The following ADGRV1 variants were observed in gnomAD, a reference collection of about 807,000 sequenced individuals.
ADGRV1 encodes the protein adhesion G protein-coupled receptor V1, also known as G-protein coupled receptor 98.
Under a neutral mutation model 596.2 loss-of-function variants are expected in ADGRV1, and 359 were observed. That is an observed-to-expected ratio of 0.60 (90% CI 0.55 to 0.66). The LOEUF (loss-of-function observed/expected upper bound fraction) is 0.66. ADGRV1 is among the 30% of genes least tolerant of loss of function. The pLI is 0.00. For missense variants in ADGRV1, 7,274 were observed against 7,575.6 expected (o/e 0.96, Z 1.48); for synonymous variants, 2,681 against 2,679.2 (o/e 1.00, Z -0.02).
intron 50 of ADGRV1, among the ~76,000 whole-genome samples, chr5:90,743,693 G>A (rs552553487): frequency 2.0e-5 from 3 of 151,926 alleles, no homozygotes; most frequent in East Asian, 1.9e-4. Context: ...GGATGGTCTC[G>A]ATCTCCCGAC....
At position 90,783,238 on chromosome 5, in the gene ADGRV1, A is replaced by T. The variant is rs755682458; in HGVS notation, c.13346A>T (p.Asp4449Val). Residue 4449 changes from aspartate (D) to valine (V), a missense_variant, in exon 66 of 90, where the codon GAT (aspartate) becomes GTT (valine). Asp to Val is a radical substitution (Grantham distance 152). Coordinates refer to ENST00000405460, the MANE Select transcript of ADGRV1 (RefSeq NM_032119.4). ...TCCTCTGCCAGTCCCGGAGGTGTTG[A>T]TTACATTTTGCATGGCAGTACAGTC... is the stretch of plus-strand genomic sequence containing the variant. ...QSSSASPGGV[D>V]YILHGSTVTF... The T allele has an allele frequency of 6.2e-7, 1 of 1,613,674 alleles. No homozygotes were observed.
intron 85 of ADGRV1, 54 bp downstream of exon 85, chr5:90,985,576 T>C: frequency 7.2e-7 from 1 of 1,393,396 alleles, no homozygotes; most frequent in South Asian, 1.2e-5. Flanking sequence ...TAAGCAGATT[T>C]CGTTGCCATA....
Position 90,674,075 on chromosome 5 carries a change from G to C in ADGRV1, c.4951G>C (p.Asp1651His), listed in dbSNP as rs781509857. The change falls in exon 23 of 90, where the codon GAT becomes CAT. Residue 1651 changes from aspartate to histidine, a missense_variant. Asp to His is a moderately conservative substitution (Grantham distance 81). This residue lies in a region of ADGRV1 where 3,643 missense variants were observed against 3,809.2 expected (regional missense o/e 0.96). Coordinates refer to ENST00000405460, the MANE Select transcript of ADGRV1 (RefSeq NM_032119.4). The part of the protein sequence containing the change: ...RSEVLNIYVL[D>H]DDIPELNEYF... ...TTAGGTTCTGAATATATATGTTCTT[G>C]ATGATGATATTCCTGAACTTAATGA... The C allele has an allele frequency of 6.2e-7, 1 of 1,611,528 alleles. No homozygotes were observed. Among genetic ancestry groups the C allele is most frequent in the Non-Finnish European group, 8.5e-7 (1 of 1,178,084 alleles).
At chr5:91,081,289 T>A (rs1403152141) in intron 86 of ADGRV1, among the ~76,000 whole-genome samples, 1 of 152,076 alleles carries the variant, frequency 6.6e-6, no homozygotes, top group Non-Finnish European at 1.5e-5. Context: ...ACATACAAAT[T>A]TGGGGGATGG....
At chr5:90,620,415 G>A (rs1053083846) in intron 4 of ADGRV1, among the ~76,000 whole-genome samples, 23 of 152,170 alleles carry the variant, frequency 1.5e-4, no homozygotes, top group Admixed American at 1.3e-3. Flanking sequence ...AGAAGTGTCT[G>A]TTCATATCCT....
intron 25 of ADGRV1, among the ~76,000 whole-genome samples, chr5:90,679,137 T>G (rs541566333): frequency 6.6e-6 from 1 of 152,310 alleles, no homozygotes; most frequent in African/African-American, 2.4e-5. Context: ...TTTCTCAATA[T>G]TGAACTGGTT....
In ADGRV1 at chr5:90,652,490, C is replaced by T; in HGVS notation, c.3561C>T (p.Ile1187=). ...NFMDGEEAKP[I]ILHAFPDKIP... Reference sequence around the variant, plus strand: ...TGGATGGAGAAGAAGCAAAACCAATCATTCTCCATGCTTTTCCAGATAAAA... The same window carrying T: ...TGGATGGAGAAGAAGCAAAACCAATTATTCTCCATGCTTTTCCAGATAAAA... The change falls in exon 19 of 90, where the codon ATC becomes ATT. Residue 1187 remains isoleucine (I), a synonymous_variant. Coordinates refer to ENST00000405460, the MANE Select transcript of ADGRV1 (RefSeq NM_032119.4). 6.2e-7 allele frequency: 1 copy of T among 1,613,404 alleles called. No homozygotes were observed.
intron 83 of ADGRV1, among the ~76,000 whole-genome samples, chr5:90,933,454 T>C (rs911015394): frequency 6.6e-6 from 1 of 152,066 alleles, no homozygotes; most frequent in Non-Finnish European, 1.5e-5. Flanking sequence ...AAAGCAAATA[T>C]AGTCCTGAGG....
rs1752145640 is a variant in ADGRV1, at chr5:90,728,826, G to A, written c.10319G>A (p.Ser3440Asn). The A allele has an allele frequency of 6.2e-7, 1 of 1,613,972 alleles. No homozygotes were observed. The highest frequency in any genetic ancestry group is 8.5e-7 in the Non-Finnish European group (1 of 1,179,872). Residue 3440 changes from serine to asparagine, a missense_variant, in exon 49 of 90, where the codon AGT becomes AAT. Physicochemically the swap from Ser to Asn is conservative, Grantham distance 46 (BLOSUM62 1). Transcript: ENST00000405460. Reference sequence around the variant, plus strand: ...TCCCTTTTATTCAGATGGTCTGGCAGTGGGTTTATTAACTTTCAAGAGGTG... The same window carrying A: ...TCCCTTTTATTCAGATGGTCTGGCAATGGGTTTATTAACTTTCAAGAGGTG... ...LNSLLFRWSGSGFINFQEVPV... is the reference protein window; with the variant it reads ...LNSLLFRWSGNGFINFQEVPV...
At chr5:90,889,010 TTGTC>T (rs1770552357) in intron 83 of ADGRV1, among the ~76,000 whole-genome samples, 2 of 152,096 alleles carry the variant, frequency 1.3e-5, no homozygotes, top group Admixed American at 6.6e-5. Context: ...TATGAGTCAT[TTGTC>T]TGTTGAATAA....
At chr5:91,038,085 T>C (rs1367972477) in intron 85 of ADGRV1, among the ~76,000 whole-genome samples, 1 of 152,130 alleles carries the variant, frequency 6.6e-6, no homozygotes, top group Non-Finnish European at 1.5e-5. Flanking sequence ...AAATCCAAGG[T>C]CTAAAACATT....
chr5:90,570,912 A>G (rs1756442738), intron 1 of ADGRV1, among the ~76,000 whole-genome samples: 1 of 152,142 alleles, frequency 6.6e-6, no homozygotes, highest in South Asian at 2.1e-4. Flanking sequence ...TAGTAAGTCT[A>G]ACATCTGGTA....
chr5:91,163,480 A>G (rs999938474), intron 89 of ADGRV1, among the ~76,000 whole-genome samples: 1 of 152,218 alleles, frequency 6.6e-6, no homozygotes, highest in Non-Finnish European at 1.5e-5. Flanking sequence ...TGAGCCCTCA[A>G]TTGAGAGATT....
At chr5:90,598,788 A>C (rs1042095441) in intron 1 of ADGRV1, among the ~76,000 whole-genome samples, 4 of 152,210 alleles carry the variant, frequency 2.6e-5, no homozygotes, top group Admixed American at 1.3e-4. Flanking sequence ...TTTAATTTGG[A>C]AAATAACGGA....
At chr5:90,865,490 G>A (rs986919314) in intron 83 of ADGRV1, among the ~76,000 whole-genome samples, 3 of 152,042 alleles carry the variant, frequency 2.0e-5, no homozygotes, top group Non-Finnish European at 2.9e-5. Context: ...ACTGACTTTT[G>A]ATTCATATTG....
chr5:91,154,001 G>A (rs1486318437), intron 89 of ADGRV1, among the ~76,000 whole-genome samples: 3 of 152,112 alleles, frequency 2.0e-5, no homozygotes, highest in Non-Finnish European at 4.4e-5. Flanking sequence ...CCTGATTAAG[G>A]GTCACACGCT....
intron 83 of ADGRV1, among the ~76,000 whole-genome samples, chr5:90,962,116 A>G (rs1370638838): frequency 6.6e-6 from 1 of 152,226 alleles, no homozygotes; most frequent in Admixed American, 6.5e-5. Flanking sequence ...AAGGACCTTT[A>G]AACATGTTAA....
At chr5:90,967,763 G>A (rs1778605791) in intron 84 of ADGRV1, among the ~76,000 whole-genome samples, 1 of 152,078 alleles carries the variant, frequency 6.6e-6, no homozygotes, top group Non-Finnish European at 1.5e-5. Context: ...AAAAACTAGA[G>A]TGAAAGAGAC....
chr5:90,994,789 G>A (rs1206734045), intron 85 of ADGRV1, among the ~76,000 whole-genome samples: 1 of 152,078 alleles, frequency 6.6e-6, no homozygotes, highest in South Asian at 2.1e-4. Flanking sequence ...TGTCACACGT[G>A]GCCACTGACA....
Sources: allele counts gnomAD v4.1 joint callset (sites outside exome capture counted in the v4.1 genomes callset), GRCh38; gene constraint gnomAD v4.1.1; regional missense constraint gnomAD v4.1.1; transcripts MANE v1.5; gene names NCBI Gene and HGNC (gene_info 2026-07-23, HGNC 2026-07-21).